The following MAST4 variants were observed in gnomAD, a reference collection of about 807,000 sequenced individuals.
MAST4 encodes microtubule associated serine/threonine kinase family member 4, also known as microtubule-associated serine/threonine-protein kinase 4.
Under a neutral mutation model 162.7 loss-of-function variants are expected in MAST4, and 89 were observed. The ratio of observed to expected loss-of-function variants is 0.55; its 90% CI spans 0.46 to 0.65. MAST4 has a LOEUF of 0.65. Among genes scored for constraint, MAST4 ranks in the 30% least tolerant of loss-of-function variants. The pLI is 0.00. For missense variants in MAST4, 3,153 were observed against 3,374.0 expected, an observed-to-expected ratio of 0.93 and a Z score of 1.62; for synonymous variants, 1,479 against 1,361.1, an observed-to-expected ratio of 1.09 and a Z score of -1.91.
chr5:66,990,295 A>T (rs1299579316), intron 4 of MAST4, among the ~76,000 whole-genome samples: 1 of 152,210 alleles, frequency 6.6e-6, no homozygotes, highest in Non-Finnish European at 1.5e-5. Flanking sequence ...TTAGAGGTTA[A>T]GTAACTTATC....
At chr5:66,730,845 A>G (rs1206716721) in intron 1 of MAST4, among the ~76,000 whole-genome samples, 1 of 152,044 alleles carries the variant, frequency 6.6e-6, no homozygotes, top group Non-Finnish European at 1.5e-5. Flanking sequence ...GGATCCACAT[A>G]TACCAACCCC....
At chr5:66,727,713 T>G (rs1213751880) in intron 1 of MAST4, among the ~76,000 whole-genome samples, 1 of 152,090 alleles carries the variant, frequency 6.6e-6, no homozygotes, top group Non-Finnish European at 1.5e-5. Flanking sequence ...GGGCTATCGT[T>G]TTTTTTCCTA....
intron 2 of MAST4, 26 bp from the exon 3 acceptor site, chr5:66,788,644 C>T (rs189677519): frequency 4.1e-6 from 5 of 1,232,082 alleles, no homozygotes; most frequent in African/African-American, 3.2e-5. Flanking sequence ...CTGTCACTTA[C>T]ATTTTCTTCT....
chr5:66,789,403 G>A (rs895291134), intron 3 of MAST4, among the ~76,000 whole-genome samples: 14 of 152,072 alleles, frequency 9.2e-5, no homozygotes, highest in African/African-American at 3.4e-4. Context: ...TCCAGTGTAG[G>A]ATCCAGTCTA....
chr5:66,599,357 G>C (rs1348607520), intron 1 of MAST4, among the ~76,000 whole-genome samples: 1 of 152,086 alleles, frequency 6.6e-6, no homozygotes, highest in African/African-American at 2.4e-5. Flanking sequence ...GGGAATGCTG[G>C]GTGATAAACA....
rs567817148 is a variant in MAST4 at position 66,633,144 on chromosome 5, T to A, written c.363+36126T>A. ...CTCCTTGAGGCTCAAATACCCCAGT[T>A]TGAGAGTCTGATTCTGGGGCCTTCA... On this transcript the variant is annotated intron_variant, in intron 1 of 28. Transcript: ENST00000403625. 7.2e-5 allele frequency among the ~76,000 whole-genome samples: 11 copies of A among 152,316 alleles called. No homozygotes were observed. In the South Asian group the frequency reaches 2.3e-3, roughly 32 times the overall value.
intron 10 of MAST4, among the ~76,000 whole-genome samples, chr5:67,105,030 T>G (rs1209837339): frequency 2.6e-5 from 4 of 152,234 alleles, no homozygotes; most frequent in Non-Finnish European, 4.4e-5. Flanking sequence ...AATGGCAACC[T>G]ATATTTTCAT....
At chr5:67,060,731 C>T (rs192726724) in intron 5 of MAST4, among the ~76,000 whole-genome samples, 216 of 152,172 alleles carry the variant, frequency 1.4e-3, no homozygotes, top group African/African-American at 4.9e-3. Flanking sequence ...CCTGCCTCGG[C>T]CTCCCAAAGT....
intron 3 of MAST4, among the ~76,000 whole-genome samples, chr5:66,819,834 T>A (rs941127381): frequency 4.0e-5 from 6 of 150,740 alleles, no homozygotes; most frequent in Non-Finnish European, 8.8e-5. Context: ...AGTGCACTGG[T>A]GCAATCTCAG....
chr5:67,094,203 G>A, intron 6 of MAST4: 4 of 1,420,582 alleles, frequency 2.8e-6, no homozygotes, highest in Non-Finnish European at 3.8e-6. Context: ...TAGTAGTTCT[G>A]TGATTTGTCC....
intron 1 of MAST4, among the ~76,000 whole-genome samples, chr5:66,638,647 T>A (rs1281043601): frequency 2.0e-5 from 3 of 152,144 alleles, no homozygotes; most frequent in Non-Finnish European, 2.9e-5. Flanking sequence ...CAAACAAAAT[T>A]TATGGACACT....
intron 5 of MAST4, among the ~76,000 whole-genome samples, chr5:67,055,528 G>T (rs1432685227): frequency 6.6e-6 from 1 of 152,124 alleles, no homozygotes; most frequent in Non-Finnish European, 1.5e-5. Flanking sequence ...TATATTACTG[G>T]GGAGAAGAAG....
chr5:67,021,077 A>G (rs907103746), intron 4 of MAST4, among the ~76,000 whole-genome samples: 2 of 152,050 alleles, frequency 1.3e-5, no homozygotes, highest in African/African-American at 4.8e-5. Flanking sequence ...CCCTTTTTCC[A>G]TTGGTTGGTT....
At chr5:66,673,523 GT>G (rs1208217801) in intron 1 of MAST4, among the ~76,000 whole-genome samples, 1 of 131,318 alleles carries the variant, frequency 7.6e-6, no homozygotes, top group Non-Finnish European at 1.6e-5. Context: ...TTTGTTTTTT[GT>G]TTTTTGTTTT....
chr5:66,836,738 A>G (rs1757991916), intron 3 of MAST4, among the ~76,000 whole-genome samples: 1 of 152,128 alleles, frequency 6.6e-6, no homozygotes, highest in African/African-American at 2.4e-5. Context: ...ATGGGAGCTA[A>G]ACACTGAGTA....
At chr5:66,604,991 T>C (rs7705086) in intron 1 of MAST4, among the ~76,000 whole-genome samples, 34,572 of 152,184 alleles carry the variant, frequency 0.23, 4,377 homozygotes, top group East Asian at 0.34. Context: ...AATTGCATTA[T>C]GGTATTGAAA....
At position 67,166,000 on chromosome 5, in the gene MAST4, C is replaced by A. The variant is rs770790325; in HGVS notation, c.6821C>A (p.Pro2274Gln). ...CAGGGAGAAGGTGGGCCCTCTGTCC[C>A]ACTGCACACTGACAGGGCTCCTCTA... ...IGQGEGGPSV[P>Q]LHTDRAPLDA... Residue 2274 changes from proline to glutamine, a missense_variant, in exon 29 of 29, where the codon CCA becomes CAA. Pro to Gln is a moderately conservative substitution (Grantham distance 76). Transcript: ENST00000403625. 6.2e-7 allele frequency: 1 copy of A among 1,613,662 alleles called. No individual in the cohort carries two copies. Among genetic ancestry groups the A allele is most frequent in the South Asian group, 1.1e-5 (1 of 91,086 alleles).
intron 4 of MAST4, among the ~76,000 whole-genome samples, chr5:67,049,023 G>GTATATATATATACACGTA (rs1554087410): frequency 0.061 from 5,038 of 83,122 alleles, 181 homozygotes; most frequent in African/African-American, 0.093. Flanking sequence ...ATATATATAC[G>GTATATATATATACACGTA]TATATATATA....
At chr5:66,788,607 C>CCCCCCCCAA in intron 2 of MAST4, 63 bp from the exon 3 acceptor site, 1 of 1,373,728 alleles carries the variant, frequency 7.3e-7, no homozygotes. Flanking sequence ...CCCCCACCCC[C>CCCCCCCCAA]ATTGCAATAA....
Sources: allele counts gnomAD v4.1 joint callset (sites outside exome capture counted in the v4.1 genomes callset), GRCh38; gene constraint gnomAD v4.1.1; transcripts MANE v1.5; gene names NCBI Gene and HGNC (gene_info 2026-07-23, HGNC 2026-07-21).